Variants in CBFA2T3 observed in about 807,000 individuals in gnomAD.
The protein encoded by CBFA2T3 is transcriptional corepressor CBFA2T3.
CBFA2T3 carries 31 observed loss-of-function variants against 58.6 expected under a neutral mutation model. The observed-to-expected ratio is 0.53, with a 90% CI of 0.40 to 0.71. The LOEUF is 0.71. Among genes scored for constraint, CBFA2T3 ranks in the 30% least tolerant of loss-of-function variants. CBFA2T3 has a pLI of 0.00. For missense variants in CBFA2T3, 1,076 were observed against 963.1 expected, an observed-to-expected ratio of 1.12 and a Z score of -1.55; for synonymous variants, 531 against 421.9, an observed-to-expected ratio of 1.26 and a Z score of -3.17.
In CBFA2T3 at chr16:88,875,749, C is replaced by T. The variant is rs1232615425; in HGVS notation, c.*1227G>A. On this transcript the variant is annotated 3_prime_UTR_variant, in exon 12 of 12. Transcript: ENST00000268679. Reference sequence around the variant, plus strand: ...GCTCGAAAAGCAGTCGAGAATCAACCCAAAAGATTGTCACAGTTTTGTTTC... The same window carrying T: ...GCTCGAAAAGCAGTCGAGAATCAACTCAAAAGATTGTCACAGTTTTGTTTC... The T allele has an allele frequency of 4.3e-6, 1 of 233,428 alleles. No homozygotes were observed. Among genetic ancestry groups the T allele is most frequent in the East Asian group, 6.0e-5 (1 of 16,596 alleles). The allele number at this position is 233,428 out of a possible 1,614,324, so 14.5% of individuals were successfully genotyped here. A position where few individuals can be genotyped will look rare whatever the true frequency, so the allele number is the denominator to read the frequency against.
At position 88,876,184 on chromosome 16, in the gene CBFA2T3, T is replaced by C. The variant is rs1968822508; in HGVS notation, c.*792A>G. On this transcript the variant is annotated 3_prime_UTR_variant, in exon 12 of 12. Coordinates refer to ENST00000268679, the MANE Select transcript of CBFA2T3 (RefSeq NM_005187.6). ...TCCTTTGGAGCAGAGGTGTGTCCGG[T>C]ATCCTTGGCTGGCTAGCTAGCAAGG... 1 of 231,950 alleles carries C rather than the reference T, an allele frequency of 4.3e-6. No individual in the cohort carries two copies. The highest frequency in any genetic ancestry group is 2.2e-5 in the African/African-American group (1 of 45,240). 14.4% of individuals were successfully genotyped at this position (231,950 alleles called of 1,614,324 possible).
chr16:88,941,646 G>C (rs1279204106), intron 1 of CBFA2T3: 1 of 147,916 alleles, frequency 6.8e-6, no homozygotes, highest in African/African-American at 2.5e-5. Flanking sequence ...GGGCGGCGCG[G>C]GGAGGCGCAG....
chr16:88,903,141 T>C (rs1226142323), intron 1 of CBFA2T3, among the ~76,000 whole-genome samples: 2 of 152,168 alleles, frequency 1.3e-5, no homozygotes, highest in Non-Finnish European at 2.9e-5. Flanking sequence ...GACGGAGAGA[T>C]CCACCCAGGG....
intron 1 of CBFA2T3, among the ~76,000 whole-genome samples, chr16:88,920,008 C>T (rs1382179240): frequency 6.6e-6 from 1 of 152,246 alleles, no homozygotes; most frequent in African/African-American, 2.4e-5. Flanking sequence ...GTCTGTAAAC[C>T]AGCAGCTTCC....
chr16:88,881,312 C>G lies in CBFA2T3; in HGVS notation c.1381G>C (p.Gly461Arg), dbSNP rs772795593. The change falls in exon 9 of 12, where the codon GGT becomes CGT. Residue 461 changes from glycine (G) to arginine (R), a missense_variant. Physicochemically the swap from Gly to Arg is moderately radical, Grantham distance 125. Coordinates refer to ENST00000268679, the MANE Select transcript of CBFA2T3 (RefSeq NM_005187.6). ...GCACCTAGCTGAGGCCCTTCGGGAC[C>G]GGCGGAGCTGCTGCGGGGCCGGGCC... ...AAARPRSSSA[G>R]PEGPQLDVPR... 3.8e-6 allele frequency: 6 copies of G among 1,589,420 alleles called. No homozygotes were observed. In the Admixed American group the frequency reaches 8.6e-5, roughly 23 times the overall value.
chr16:88,914,767 TG>T (rs1210536223), intron 1 of CBFA2T3, among the ~76,000 whole-genome samples: 1 of 151,176 alleles, frequency 6.6e-6, no homozygotes, highest in Middle Eastern at 3.2e-3. Context: ...TGGGGGAGAG[TG>T]GTGAGCTCAG....
rs774714666 is a variant in CBFA2T3, at chr16:88,892,440, G to C, written c.425C>G (p.Pro142Arg). The C allele has an allele frequency of 1.9e-6, 3 of 1,613,152 alleles. No homozygotes were observed. In the African/African-American group the frequency reaches 4.0e-5, roughly 22 times the overall value. The change falls in exon 4 of 12, where the codon CCG becomes CGG. Residue 142 changes from proline (P) to arginine (R), a missense_variant. Coordinates refer to ENST00000268679, the MANE Select transcript of CBFA2T3 (RefSeq NM_005187.6). Reference sequence around the variant, plus strand: ...ATTGCTGAAGCCGTTGGGTGTGCACGGTGCACCATTGATGGCTGTTGGTGA... The same window carrying C: ...ATTGCTGAAGCCGTTGGGTGTGCACCGTGCACCATTGATGGCTGTTGGTGA... The part of the protein sequence containing the change: ...SHSPTAINGA[P>R]CTPNGFSNGP...
intron 3 of CBFA2T3, among the ~76,000 whole-genome samples, chr16:88,897,433 T>G (rs1597690719): frequency 6.6e-6 from 1 of 152,318 alleles, no homozygotes; most frequent in East Asian, 1.9e-4. Flanking sequence ...ACTCAGTGGT[T>G]GACAAAAACT....
At position 88,896,789 on chromosome 16, in the gene CBFA2T3, C is replaced by A. The variant is rs142825267; in HGVS notation, c.379+1289G>T. Among the ~76,000 whole-genome samples the A allele has an allele frequency of 1.8e-3, 278 of 152,316 alleles. 8 individuals are homozygous for A. The East Asian group carries it at 0.049, about 27-fold the overall frequency. On this transcript the variant is annotated intron_variant, in intron 3 of 11. Coordinates refer to ENST00000268679, the MANE Select transcript of CBFA2T3 (RefSeq NM_005187.6). ...CACGCCGGGGCCCCTGCCCACCGCC[C>A]CGGCCAGCCTGGGCCTGGCCCTCCC... is the stretch of plus-strand genomic sequence containing the variant.
At chr16:88,962,222 C>T (rs1028710349) in intron 1 of CBFA2T3, among the ~76,000 whole-genome samples, 14 of 152,246 alleles carry the variant, frequency 9.2e-5, no homozygotes, top group Non-Finnish European at 1.6e-4. Flanking sequence ...TGGACATTCC[C>T]ACTCCATAGT....
At chr16:88,900,102 G>A (rs1261185590) in intron 2 of CBFA2T3, among the ~76,000 whole-genome samples, 1 of 152,146 alleles carries the variant, frequency 6.6e-6, no homozygotes, top group Non-Finnish European at 1.5e-5. Context: ...TGGGCCCGCC[G>A]TCCCCCAGGA....
At chr16:88,942,782 T>A (rs1443691503) in intron 1 of CBFA2T3, among the ~76,000 whole-genome samples, 1 of 152,226 alleles carries the variant, frequency 6.6e-6, no homozygotes, top group African/African-American at 2.4e-5. Flanking sequence ...CTCCTGGTTT[T>A]CAGACTGTGC....
intron 1 of CBFA2T3, among the ~76,000 whole-genome samples, chr16:88,971,173 A>T (rs896704599): frequency 2.0e-5 from 3 of 151,946 alleles, no homozygotes; most frequent in Non-Finnish European, 4.4e-5. Flanking sequence ...GCAGGGGCGC[A>T]ATCTTGGCTC....
chr16:88,970,733 G>A (rs1951247051), intron 1 of CBFA2T3, among the ~76,000 whole-genome samples: 1 of 152,232 alleles, frequency 6.6e-6, no homozygotes, highest in African/African-American at 2.4e-5. Flanking sequence ...GCCTGGAGAT[G>A]GAATAGACTC....
rs946641155 is a variant in CBFA2T3, at chr16:88,977,135, C to T, written c.-328G>A. 9.5e-6 allele frequency: 3 copies of T among 315,090 alleles called. No homozygotes were observed. The highest frequency in any genetic ancestry group is 8.8e-5 in the South Asian group (1 of 11,300). 19.5% of individuals were successfully genotyped at this position (315,090 alleles called of 1,614,324 possible). A position where few individuals can be genotyped will look rare whatever the true frequency, so the allele number is the denominator to read the frequency against. Reference sequence around the variant, plus strand: ...TGCCGGGGCCGGAGGCCTGCAGCTGCGCCCGCCACTTCCCTGACAGGAACC... The same window carrying T: ...TGCCGGGGCCGGAGGCCTGCAGCTGTGCCCGCCACTTCCCTGACAGGAACC... On this transcript the variant is annotated 5_prime_UTR_variant, in exon 1 of 12. Transcript: ENST00000268679.
chr16:88,951,116 C>A, intron 1 of CBFA2T3: 1 of 370,904 alleles, frequency 2.7e-6, no homozygotes, highest in Non-Finnish European at 5.3e-6. Context: ...AGAGTGTTGG[C>A]ACCTGTCTTC....
At chr16:88,895,183 G>A (rs1446704374) in intron 3 of CBFA2T3, among the ~76,000 whole-genome samples, 1 of 152,208 alleles carries the variant, frequency 6.6e-6, no homozygotes, top group Non-Finnish European at 1.5e-5. Context: ...ACTGGAAGGG[G>A]CCGCACCCTC....
At position 88,901,498 on chromosome 16, in the gene CBFA2T3, A is replaced by G. The variant is rs779153419; in HGVS notation, c.304+6T>C. ...GGCCCTCGGCTGCCAGGTGGGGGCT[A>G]CTTACGTGTGTGTGGCGTGAAGGAG... On this transcript the variant is annotated splice_donor_region_variant and intron_variant, in intron 2 of 11. Transcript: ENST00000268679. 6.2e-6 allele frequency: 9 copies of G among 1,456,662 alleles called. No individual in the cohort carries two copies. The South Asian group carries it at 1.0e-4, about 16-fold the overall frequency. The allele number at this position is 1,456,662 out of a possible 1,614,324, so 90.2% of individuals were successfully genotyped here.
At chr16:88,896,245 C>T (rs905739875) in intron 3 of CBFA2T3, among the ~76,000 whole-genome samples, 2 of 152,198 alleles carry the variant, frequency 1.3e-5, no homozygotes, top group African/African-American at 4.8e-5. Context: ...AGGATTGAGA[C>T]ATCTCTGTTG....
Sources: gnomAD v4.1 joint callset for allele counts (sites outside exome capture counted in the v4.1 genomes callset) on GRCh38, gnomAD v4.1.1 for gene constraint, MANE v1.5 for transcripts, NCBI Gene and HGNC (gene_info 2026-07-23, HGNC 2026-07-21) for gene names.